Variants in UNC5D observed in about 807,000 individuals in gnomAD.
UNC5D encodes unc-5 netrin receptor D, also known as netrin receptor UNC5D.
A neutral mutation model predicts 105.4 loss-of-function variants in UNC5D; 39 were observed. The observed-to-expected ratio is 0.37, with a 90% CI of 0.29 to 0.48. The LOEUF (loss-of-function observed/expected upper bound fraction) is 0.48. UNC5D is among the 20% of genes least tolerant of loss of function. UNC5D has a pLI of 0.98. For missense variants in UNC5D, 991 were observed against 1,202.4 expected, an observed-to-expected ratio of 0.82 and a Z score of 2.60; for synonymous variants, 452 against 450.4, an observed-to-expected ratio of 1.00 and a Z score of -0.04.
At chr8:35,606,730 A>C (rs898762453) in intron 4 of UNC5D, among the ~76,000 whole-genome samples, 1 of 152,264 alleles carries the variant, frequency 6.6e-6, no homozygotes, top group Non-Finnish European at 1.5e-5. Flanking sequence ...AAGGATGTGC[A>C]GTCTGGTAAG....
At chr8:35,573,494 A>G (rs1385942147) in intron 3 of UNC5D, among the ~76,000 whole-genome samples, 1 of 152,188 alleles carries the variant, frequency 6.6e-6, no homozygotes, top group Non-Finnish European at 1.5e-5. Context: ...TTAGGTGATC[A>G]AAGGTCACCC....
intron 4 of UNC5D, among the ~76,000 whole-genome samples, chr8:35,662,061 C>A (rs1005881874): frequency 6.6e-6 from 1 of 152,034 alleles, no homozygotes; most frequent in African/African-American, 2.4e-5. Context: ...TTTTCTGATG[C>A]CAGGACTAAT....
At chr8:35,558,671 C>G (rs940743365) in intron 2 of UNC5D, among the ~76,000 whole-genome samples, 1 of 152,086 alleles carries the variant, frequency 6.6e-6, no homozygotes. Context: ...TTCAAGAAAA[C>G]TCTTGAATAT....
At position 35,750,856 on chromosome 8, in the gene UNC5D, T is replaced by C. The variant is rs6468329; in HGVS notation, c.2163+47T>C. 35,738 of 1,606,448 alleles carry C rather than the reference T, an allele frequency of 0.022. 2,392 individuals are homozygous for C. The African/African-American group carries it at 0.24, about 11-fold the overall frequency. ...TTTCTTTTGGTGTCATGAAAGTGTG[T>C]GTTTTCCAAAAGATCAGTATCAATT... On this transcript the variant is annotated intron_variant, in intron 13 of 16. Coordinates refer to ENST00000404895, the MANE Select transcript of UNC5D (RefSeq NM_080872.4).
At chr8:35,454,656 T>C (rs189668006) in intron 1 of UNC5D, among the ~76,000 whole-genome samples, 47 of 152,280 alleles carry the variant, frequency 3.1e-4, no homozygotes, top group African/African-American at 1.1e-3. Context: ...TCTTTTTCCT[T>C]TGTTTAATTC....
At position 35,545,651 on chromosome 8, in the gene UNC5D, C is replaced by CA. The variant is rs199908875; in HGVS notation, c.104-3629dup. Among the ~76,000 whole-genome samples the CA allele has an allele frequency of 1.7e-3, 225 of 129,794 alleles. 2 individuals carry two copies. In the East Asian group the frequency reaches 0.02, roughly 11 times the overall value. 85.1% of individuals were successfully genotyped at this position (129,794 alleles called of 152,430 possible). ...CTCCCAGCACTTCGCTATACAAAGC[C>CA]AAAAAAAAAAAAGATTCTTATTTTC... On this transcript the variant is annotated intron_variant, in intron 1 of 16. Coordinates refer to ENST00000404895, the MANE Select transcript of UNC5D (RefSeq NM_080872.4).
intron 16 of UNC5D, among the ~76,000 whole-genome samples, chr8:35,775,514 C>T (rs1802205455): frequency 6.6e-6 from 1 of 152,092 alleles, no homozygotes; most frequent in Admixed American, 6.5e-5. Context: ...GACATCTCCT[C>T]TCCCTGTAAG....
At position 35,724,075 on chromosome 8, in the gene UNC5D, A is replaced by C. The variant is rs1196976463; in HGVS notation, c.1303+1680A>C. 3 of 1,332,484 alleles carry C rather than the reference A, an allele frequency of 2.3e-6. No individual in the cohort carries two copies. In the East Asian group the frequency reaches 8.1e-5, roughly 36 times the overall value. 82.5% of individuals were successfully genotyped at this position (1,332,484 alleles called of 1,614,324 possible). A position where few individuals can be genotyped will look rare whatever the true frequency, so the allele number is the denominator to read the frequency against. On this transcript the variant is annotated intron_variant, in intron 9 of 16. Transcript: ENST00000404895. ...TCCTCTTACCCTAGTACAGGATGCC[A>C]GCGTGTTCCGTGGAGCACCAGGCAG...
At chr8:35,617,362 C>T (rs1476329812) in intron 4 of UNC5D, among the ~76,000 whole-genome samples, 1 of 152,118 alleles carries the variant, frequency 6.6e-6, no homozygotes, top group Non-Finnish European at 1.5e-5. Context: ...ACCATTTTTT[C>T]TTCACAGGTA....
At chr8:35,302,162 T>C (rs1202022157) in intron 1 of UNC5D, among the ~76,000 whole-genome samples, 1 of 152,176 alleles carries the variant, frequency 6.6e-6, no homozygotes, top group Non-Finnish European at 1.5e-5. Context: ...ACCCTTATAT[T>C]TGAAATATTT....
At chr8:35,645,882 T>C (rs1413115380) in intron 4 of UNC5D, among the ~76,000 whole-genome samples, 2 of 151,958 alleles carry the variant, frequency 1.3e-5, no homozygotes, top group Non-Finnish European at 2.9e-5. Context: ...CTCCTGGTCC[T>C]TGATAGGAGT....
chr8:35,364,985 A>G (rs1272753776), intron 1 of UNC5D, among the ~76,000 whole-genome samples: 1 of 152,142 alleles, frequency 6.6e-6, no homozygotes, highest in Admixed American at 6.5e-5. Flanking sequence ...GATTATCTCA[A>G]CACTTCAGTG....
intron 4 of UNC5D, among the ~76,000 whole-genome samples, chr8:35,625,894 G>A (rs1249193178): frequency 6.6e-6 from 1 of 152,204 alleles, no homozygotes; most frequent in Non-Finnish European, 1.5e-5. Context: ...CCTGTTGAAA[G>A]TAAGCAAGAC....
chr8:35,395,737 C>T (rs1240831835), intron 1 of UNC5D, among the ~76,000 whole-genome samples: 1 of 152,192 alleles, frequency 6.6e-6, no homozygotes, highest in Non-Finnish European at 1.5e-5. Context: ...AAGCACCTTT[C>T]ATTCAGCACA....
intron 4 of UNC5D, among the ~76,000 whole-genome samples, chr8:35,596,418 G>A (rs949740227): frequency 2.0e-5 from 3 of 152,160 alleles, no homozygotes; most frequent in Non-Finnish European, 4.4e-5. Context: ...AGAAGTATAA[G>A]GCATGCTTAA....
intron 4 of UNC5D, among the ~76,000 whole-genome samples, chr8:35,658,950 C>T (rs987991715): frequency 2.6e-5 from 4 of 152,152 alleles, no homozygotes; most frequent in South Asian, 2.1e-4. Context: ...CCACCGTGCC[C>T]GGCAGAGTGA....
At chr8:35,326,664 G>A (rs1045889693) in intron 1 of UNC5D, among the ~76,000 whole-genome samples, 3 of 152,044 alleles carry the variant, frequency 2.0e-5, no homozygotes, top group Non-Finnish European at 2.9e-5. Flanking sequence ...TGAGGCAGGA[G>A]CTCACTCACA....
chr8:35,385,161 C>T (rs910151371), intron 1 of UNC5D, among the ~76,000 whole-genome samples: 5 of 152,168 alleles, frequency 3.3e-5, no homozygotes, highest in Non-Finnish European at 7.3e-5. Flanking sequence ...TCTGTTTCAT[C>T]TGATGATCTC....
chr8:35,397,541 G>C (rs1420653491), intron 1 of UNC5D, among the ~76,000 whole-genome samples: 1 of 152,200 alleles, frequency 6.6e-6, no homozygotes, highest in Non-Finnish European at 1.5e-5. Context: ...CACAGCAGAT[G>C]CTTCTTGAGA....
Sources: gnomAD v4.1 joint callset for allele counts (sites outside exome capture counted in the v4.1 genomes callset) on GRCh38, gnomAD v4.1.1 for gene constraint, MANE v1.5 for transcripts, NCBI Gene and HGNC (gene_info 2026-07-23, HGNC 2026-07-21) for gene names.